Variants in GLIS3 observed in about 807,000 individuals in gnomAD.
GLIS3 encodes the protein zinc finger protein GLIS3.
A neutral mutation model predicts 78.6 loss-of-function variants in GLIS3; 53 were observed. The observed-to-expected ratio is 0.67, with a 90% confidence interval of 0.54 to 0.85. GLIS3 has a LOEUF of 0.85. Ranked by LOEUF, GLIS3 falls within the 40% of genes least tolerant of loss-of-function variation. The pLI is 0.00. For missense variants in GLIS3, 1,703 were observed against 1,231.1 expected (o/e 1.38, Z -5.74); for synonymous variants, 684 against 509.9 (o/e 1.34, Z -4.60).
chr9:3,985,620 T>C lies in GLIS3; in HGVS notation c.1711-48431A>G, dbSNP rs578256748. On this transcript the variant is annotated intron_variant, in intron 4 of 10. Coordinates refer to ENST00000381971, the MANE Select transcript of GLIS3 (RefSeq NM_001042413.2). ...ACAGATTGTGTAGATATACAACAGC[T>C]ACTATTAGATTCACTATTTTCTAAG... is the stretch of plus-strand genomic sequence containing the variant. Among the ~76,000 whole-genome samples, 4 of 152,332 alleles carry C rather than the reference T, an allele frequency of 2.6e-5. No individual in the cohort carries two copies. The South Asian group carries it at 8.3e-4, about 32-fold the overall frequency.
At chr9:4,196,418 A>G (rs1353088966) in intron 2 of GLIS3, among the ~76,000 whole-genome samples, 1 of 152,218 alleles carries the variant, frequency 6.6e-6, no homozygotes, top group African/African-American at 2.4e-5. Flanking sequence ...GCACTGTGGA[A>G]GCTTTGTTCT....
chr9:4,485,837 T>G, the GLIS3 span, among the ~76,000 whole-genome samples: 1 of 151,874 alleles, frequency 6.6e-6, no homozygotes, highest in African/African-American at 2.4e-5. Flanking sequence ...TTCTCCTGCC[T>G]CAGCCTCCCA....
intron 2 of GLIS3, among the ~76,000 whole-genome samples, chr9:4,225,273 A>G (rs1193921592): frequency 1.3e-5 from 2 of 152,134 alleles, no homozygotes; most frequent in African/African-American, 4.8e-5. Context: ...TTGGCCTAGG[A>G]CCTGTGACTC....
chr9:4,263,372 G>A (rs182006034), intron 2 of GLIS3, among the ~76,000 whole-genome samples: 138 of 152,290 alleles, frequency 9.1e-4, no homozygotes, highest in Non-Finnish European at 1.3e-3. Context: ...TAATTGACAT[G>A]TGAGATAAAT....
the GLIS3 span, among the ~76,000 whole-genome samples, chr9:4,397,976 C>A: frequency 6.6e-6 from 1 of 152,196 alleles, no homozygotes; most frequent in South Asian, 2.1e-4. Context: ...CTCCTACAGA[C>A]AGCCATTCTG....
At chr9:4,280,154 C>T (rs1587286029) in intron 2 of GLIS3, among the ~76,000 whole-genome samples, 1 of 152,134 alleles carries the variant, frequency 6.6e-6, no homozygotes, top group Admixed American at 6.5e-5. Flanking sequence ...CGCATAGCTG[C>T]GTCAACAGGC....
At chr9:4,357,324 C>T in the GLIS3 span, among the ~76,000 whole-genome samples, 4 of 152,132 alleles carry the variant, frequency 2.6e-5, no homozygotes, top group Non-Finnish European at 4.4e-5. Context: ...CTCATCCAAT[C>T]CCCTGGAAGC....
chr9:3,899,101 T>G (rs994865471), intron 6 of GLIS3: 4 of 523,084 alleles, frequency 7.6e-6, no homozygotes, highest in Non-Finnish European at 1.4e-5. Flanking sequence ...GCAACTCAAC[T>G]TCCTATTATA....
intron 4 of GLIS3, among the ~76,000 whole-genome samples, chr9:3,982,650 C>A (rs1416311052): frequency 6.6e-6 from 1 of 152,186 alleles, no homozygotes; most frequent in African/African-American, 2.4e-5. Flanking sequence ...CTTTCTGTTT[C>A]TGGCCAGTCA....
At chr9:4,241,658 C>A (rs1044302583) in intron 2 of GLIS3, among the ~76,000 whole-genome samples, 5 of 151,750 alleles carry the variant, frequency 3.3e-5, no homozygotes, top group African/African-American at 9.7e-5. Flanking sequence ...ACTCACAGCA[C>A]ACTTGTGCTT....
At chr9:4,239,241 A>G (rs1316053337) in intron 2 of GLIS3, among the ~76,000 whole-genome samples, 1 of 151,370 alleles carries the variant, frequency 6.6e-6, no homozygotes, top group African/African-American at 2.4e-5. Flanking sequence ...TGGGTGCAGC[A>G]CACCAACATG....
intron 4 of GLIS3, among the ~76,000 whole-genome samples, chr9:4,043,884 G>A (rs984697636): frequency 3.3e-5 from 5 of 152,298 alleles, no homozygotes; most frequent in Admixed American, 6.5e-5. Flanking sequence ...TGCAAGTCTT[G>A]GGTTGGGGGC....
At chr9:4,047,602 T>G (rs1588533325) in intron 4 of GLIS3, among the ~76,000 whole-genome samples, 1 of 152,172 alleles carries the variant, frequency 6.6e-6, no homozygotes, top group East Asian at 1.9e-4. Context: ...TGCTGGGAGC[T>G]AGAGATGCAT....
chr9:4,002,330 C>G (rs183442665), intron 4 of GLIS3, among the ~76,000 whole-genome samples: 6 of 152,170 alleles, frequency 3.9e-5, no homozygotes, highest in Non-Finnish European at 8.8e-5. Context: ...CAGTAAAATT[C>G]ATTTCCGACT....
chr9:4,424,784 G>T, the GLIS3 span, among the ~76,000 whole-genome samples: 1 of 151,870 alleles, frequency 6.6e-6, no homozygotes, highest in Non-Finnish European at 1.5e-5. Flanking sequence ...TGCCCAGGCT[G>T]GTCTTAAACT....
intron 6 of GLIS3, among the ~76,000 whole-genome samples, chr9:3,919,660 A>T (rs1057085358): frequency 1.7e-4 from 26 of 151,444 alleles, no homozygotes; most frequent in African/African-American, 6.3e-4. Context: ...AAAAAAAAAA[A>T]TTAAAAATAA....
At chr9:3,928,793 C>T (rs1302116840) in intron 6 of GLIS3, among the ~76,000 whole-genome samples, 1 of 152,176 alleles carries the variant, frequency 6.6e-6, no homozygotes, top group Non-Finnish European at 1.5e-5. Context: ...GATCATAGGT[C>T]AATGTTTAAC....
intron 2 of GLIS3, chr9:4,285,767 G>A (rs1038042546): frequency 1.9e-5 from 9 of 464,582 alleles, no homozygotes; most frequent in African/African-American, 1.6e-4. Context: ...CAACCACTCA[G>A]CCTGCCTCCC....
chr9:4,364,745 A>G, the GLIS3 span, among the ~76,000 whole-genome samples: 1 of 97,290 alleles, frequency 1.0e-5, no homozygotes, highest in Non-Finnish European at 2.1e-5. Context: ...TCATGCTGTC[A>G]TCATGTATTG....
Sources: allele counts gnomAD v4.1 joint callset (sites outside exome capture counted in the v4.1 genomes callset), GRCh38; gene constraint gnomAD v4.1.1; transcripts MANE v1.5; gene names NCBI Gene and HGNC (gene_info 2026-07-23, HGNC 2026-07-21).